The following MYOM2 variants were observed in gnomAD, a reference collection of about 807,000 sequenced individuals.
The protein encoded by MYOM2 is myomesin 2, also known as myomesin-2.
MYOM2 carries 254 observed loss-of-function variants against 187.6 expected under a neutral mutation model. The ratio of observed to expected loss-of-function variants is 1.35; its 90% CI spans 1.22 to 1.50. MYOM2 has a LOEUF of 1.50. MYOM2 is among the 40% of genes most tolerant of loss of function. MYOM2 has a pLI of 0.00. For synonymous variants in MYOM2, 981 were observed against 753.8 expected (o/e 1.30, Z -4.94); for missense variants, 2,796 against 1,924.0 (o/e 1.45, Z -8.48).
At chr8:2,048,798 T>A (rs1013953595) in intron 1 of MYOM2, among the ~76,000 whole-genome samples, 115 of 2,300 alleles carry the variant, frequency 0.05, no homozygotes, top group Non-Finnish European at 0.037. Context: ...TTTATTTTAT[T>A]TTTTTTTTTG....
intron 6 of MYOM2, among the ~76,000 whole-genome samples, chr8:2,065,877 C>G (rs1819002831): frequency 6.6e-6 from 1 of 152,176 alleles, no homozygotes; most frequent in Non-Finnish European, 1.5e-5. Flanking sequence ...ACACTGACAC[C>G]ACAGTTTAAA....
intron 21 of MYOM2, 123 bp downstream of exon 21, chr8:2,102,904 G>T: frequency 1.4e-6 from 1 of 735,234 alleles, no homozygotes; most frequent in South Asian, 1.8e-5. Context: ...TGTTATGTGT[G>T]TATGTGTGGA....
At chr8:2,123,726 C>G (rs928725469) in intron 30 of MYOM2, 84 bp downstream of exon 30, 5 of 1,126,382 alleles carry the variant, frequency 4.4e-6, no homozygotes, top group Non-Finnish European at 6.7e-6. Context: ...AGGTCTATGT[C>G]TAGCCTCAGC....
chr8:2,079,815 G>T (rs1819560687), intron 13 of MYOM2, among the ~76,000 whole-genome samples: 2 of 152,126 alleles, frequency 1.3e-5, no homozygotes, highest in Admixed American at 6.5e-5. Flanking sequence ...GTGAGAGGGT[G>T]GGAGAAAGGG....
intron 21 of MYOM2, among the ~76,000 whole-genome samples, chr8:2,103,755 G>A (rs1311471058): frequency 6.6e-6 from 1 of 151,278 alleles, no homozygotes; most frequent in African/African-American, 2.4e-5. Context: ...GGATAAATGA[G>A]TGGGAGAGCA....
At chr8:2,098,777 C>A (rs1796581903) in intron 18 of MYOM2, 80 bp from the exon 19 acceptor site, 1 of 1,393,572 alleles carries the variant, frequency 7.2e-7, no homozygotes, top group Non-Finnish European at 9.7e-7. Flanking sequence ...TTTCACAAGC[C>A]AGTTATAACA....
At chr8:2,120,706 T>TA (rs1797421857) in intron 28 of MYOM2, among the ~76,000 whole-genome samples, 1 of 69,082 alleles carries the variant, frequency 1.4e-5, no homozygotes, top group African/African-American at 5.2e-5. Flanking sequence ...AATATATATA[T>TA]TTTAATTGCC....
At chr8:2,072,290 A>G (rs1819252765) in intron 8 of MYOM2, 55 bp from the exon 9 acceptor site, 2 of 1,343,536 alleles carry the variant, frequency 1.5e-6, no homozygotes, top group Admixed American at 4.6e-5. Flanking sequence ...GAAAGCCTCC[A>G]TCGTTTCATG....
Position 2,143,463 on chromosome 8 carries a change from A to T in MYOM2, c.4080+7A>T, listed in dbSNP as rs768892468. 3 of 1,613,884 alleles carry T rather than the reference A, an allele frequency of 1.9e-6. No individual in the cohort carries two copies. In the South Asian group the frequency reaches 3.3e-5, roughly 18 times the overall value. On this transcript the variant is annotated splice_region_variant and intron_variant, in intron 36 of 36. Transcript: ENST00000262113. ...GACCATCATGGAAGGGAAGGTGAGG[A>T]TTCTAAACTCGGCCGGGGTGGGGGT...
At position 2,102,212 on chromosome 8, in the gene MYOM2, G is replaced by C. The variant is rs143750544; in HGVS notation, c.2620-455G>C. On this transcript the variant is annotated intron_variant, in intron 20 of 36. Coordinates refer to ENST00000262113, the MANE Select transcript of MYOM2 (RefSeq NM_003970.4). ...GCTACATAAATCAACTAGAAGCTTA[G>C]TAAATATATATAGATGTTTATCCAA... The C allele has an allele frequency of 1.7e-3, 265 of 153,198 alleles. 1 individual carries two copies. Among genetic ancestry groups the C allele is most frequent in the Middle Eastern group, 0.014 (4 of 294 alleles). The allele number at this position is 153,198 out of a possible 1,614,324, so 9.5% of individuals were successfully genotyped here. A position where few individuals can be genotyped will look rare whatever the true frequency, so the allele number is the denominator to read the frequency against.
chr8:2,072,499 G>C lies in MYOM2; in HGVS notation c.948G>C (p.Trp316Cys), dbSNP rs1184447490. ...DLKRVQPRAE[W>C]YRDDVLLKES... ...AGCGGGTGCAGCCGCGCGCCGAGTG[G>C]TACCGCGATGGTGAGTAGGACACGG... Residue 316 changes from tryptophan (W) to cysteine (C), a missense_variant, in exon 9 of 37, where the codon TGG (tryptophan) becomes TGC (cysteine). Transcript: ENST00000262113. 1 of 1,613,194 alleles carries C rather than the reference G, an allele frequency of 6.2e-7. No individual in the cohort carries two copies. The highest frequency in any genetic ancestry group is 1.1e-5 in the South Asian group (1 of 91,068).
At chr8:2,073,268 G>C (rs1420120420) in intron 9 of MYOM2, 71 bp from the exon 10 acceptor site, 1 of 1,518,134 alleles carries the variant, frequency 6.6e-7, no homozygotes, top group Non-Finnish European at 9.0e-7. Context: ...GACGACGCTG[G>C]TGTCCCCGAG....
At chr8:2,100,112 CT>C (rs1796645630) in intron 19 of MYOM2, among the ~76,000 whole-genome samples, 5 of 99,970 alleles carry the variant, frequency 5.0e-5, no homozygotes, top group East Asian at 3.8e-4. Flanking sequence ...TTCCTTCTTT[CT>C]TTCCTTCCTT....
chr8:2,071,733 G>T (rs1368657825), intron 8 of MYOM2, among the ~76,000 whole-genome samples: 2 of 152,254 alleles, frequency 1.3e-5, no homozygotes, highest in Non-Finnish European at 2.9e-5. Context: ...GGCAGTTTAC[G>T]AACAGCAAAC....
intron 21 of MYOM2, among the ~76,000 whole-genome samples, chr8:2,105,257 A>AT (rs1205936591): frequency 6.6e-6 from 1 of 152,068 alleles, no homozygotes; most frequent in Non-Finnish European, 1.5e-5. Context: ...TGGCCTCTTC[A>AT]TCTCACCCTG....
intron 18 of MYOM2, among the ~76,000 whole-genome samples, chr8:2,097,841 T>C (rs1796545969): frequency 6.6e-6 from 1 of 152,240 alleles, no homozygotes; most frequent in African/African-American, 2.4e-5. Flanking sequence ...AAAATGTTTT[T>C]CAAATATGTC....
chr8:2,120,620 T>G (rs1797395273), intron 28 of MYOM2, among the ~76,000 whole-genome samples: 2 of 129,588 alleles, frequency 1.5e-5, no homozygotes, highest in Non-Finnish European at 3.3e-5. Flanking sequence ...ATTCTGACCA[T>G]CCTCAGTATT....
intron 21 of MYOM2, among the ~76,000 whole-genome samples, chr8:2,103,051 AGT>A (rs1486392118): frequency 1.2e-4 from 18 of 151,564 alleles, no homozygotes; most frequent in African/African-American, 3.9e-4. Flanking sequence ...TGAGTGGGAG[AGT>A]GTGCATGTAT....
intron 1 of MYOM2, 56 bp from the exon 2 acceptor site, chr8:2,050,699 A>C: frequency 1.8e-5 from 17 of 970,712 alleles, no homozygotes; most frequent in Middle Eastern, 2.8e-4. Context: ...CAGAAATGGC[A>C]GAGGCCTCAT....
Sources: gnomAD v4.1 joint callset for allele counts (sites outside exome capture counted in the v4.1 genomes callset) on GRCh38, gnomAD v4.1.1 for gene constraint, MANE v1.5 for transcripts, NCBI Gene and HGNC (gene_info 2026-07-23, HGNC 2026-07-21) for gene names.